The following SLC25A13 variants were observed in gnomAD, a reference collection of about 807,000 sequenced individuals.
SLC25A13 encodes the protein solute carrier family 25 member 13.
A neutral mutation model predicts 85.5 loss-of-function variants in SLC25A13; 70 were observed. The observed-to-expected ratio is 0.82, with a 90% CI of 0.68 to 1.00. The LOEUF (loss-of-function observed/expected upper bound fraction) is 1.00. Ranked by LOEUF, SLC25A13 falls within the 50% of genes least tolerant of loss-of-function variation. The pLI, the probability that SLC25A13 is intolerant of heterozygous loss-of-function variation, is 0.00. For missense variants in SLC25A13, 765 were observed against 819.8 expected (o/e 0.93, Z 0.82); for synonymous variants, 259 against 288.7 (o/e 0.90, Z 1.04).
chr7:96,310,174 T>C (rs1048280826), intron 1 of SLC25A13, among the ~76,000 whole-genome samples: 4 of 152,234 alleles, frequency 2.6e-5, no homozygotes, highest in Non-Finnish European at 4.4e-5. Flanking sequence ...CAATATCTTT[T>C]AATATGGTCC....
At chr7:96,224,546 GT>G (rs1310680006) in intron 4 of SLC25A13, among the ~76,000 whole-genome samples, 1 of 152,010 alleles carries the variant, frequency 6.6e-6, no homozygotes, top group Non-Finnish European at 1.5e-5. Flanking sequence ...CTCCCCTTCA[GT>G]CAGAATTCTG....
At chr7:96,254,689 T>C (rs1209165086) in intron 3 of SLC25A13, among the ~76,000 whole-genome samples, 2 of 152,094 alleles carry the variant, frequency 1.3e-5, no homozygotes, top group African/African-American at 4.8e-5. Flanking sequence ...AGCGTATATA[T>C]AGTATATAGA....
At position 96,121,958 on chromosome 7, in the gene SLC25A13, A is replaced by G. The variant is rs754054414; in HGVS notation, c.1631T>C (p.Ile544Thr). 7.7e-5 allele frequency: 124 copies of G among 1,614,028 alleles called. No individual in the cohort carries two copies. The Middle Eastern group carries it at 1.5e-3, about 19-fold the overall frequency. The change falls in exon 16 of 18, where the codon ATC becomes ACC. Residue 544 changes from isoleucine to threonine, a missense_variant. Ile to Thr is a moderately conservative substitution (Grantham distance 89, BLOSUM62 -1). Transcript: ENST00000265631. ...GGCAGCCACCTGTAATCTCGTCTTGATAACATCAGCAGGGGTCACTAAAGA... is the reference window on the plus strand; with the variant it reads ...GGCAGCCACCTGTAATCTCGTCTTGGTAACATCAGCAGGGGTCACTAAAGA... Reference protein sequence around the residue: ...AASLVTPADVIKTRLQVAARA... With the variant: ...AASLVTPADVTKTRLQVAARA...
chr7:96,206,741 C>T (rs1452656723), intron 5 of SLC25A13, among the ~76,000 whole-genome samples: 1 of 152,106 alleles, frequency 6.6e-6, no homozygotes, highest in African/African-American at 2.4e-5. Context: ...AAGTGAATGC[C>T]TTACAAATTG....
At chr7:96,239,529 C>A (rs973598161) in intron 3 of SLC25A13, among the ~76,000 whole-genome samples, 1 of 152,088 alleles carries the variant, frequency 6.6e-6, no homozygotes, top group African/African-American at 2.4e-5. Context: ...CCCGCAACTC[C>A]CAGAACTTCT....
chr7:96,195,353 C>T (rs1293695318), intron 5 of SLC25A13, among the ~76,000 whole-genome samples: 2 of 152,160 alleles, frequency 1.3e-5, no homozygotes, highest in African/African-American at 4.8e-5. Flanking sequence ...TTACCAAATT[C>T]TGTCCCTTAG....
intron 13 of SLC25A13, among the ~76,000 whole-genome samples, chr7:96,154,546 C>T (rs1470647974): frequency 6.6e-6 from 1 of 152,154 alleles, no homozygotes; most frequent in Non-Finnish European, 1.5e-5. Context: ...ATCTGCCTGC[C>T]TCAGCCCCCC....
At chr7:96,149,707 C>T (rs192193321) in intron 13 of SLC25A13, among the ~76,000 whole-genome samples, 1 of 152,258 alleles carries the variant, frequency 6.6e-6, no homozygotes, top group African/African-American at 2.4e-5. Flanking sequence ...ATGAGAGACT[C>T]CAAGGCACCA....
chr7:96,210,482 A>G (rs904320741), intron 4 of SLC25A13, among the ~76,000 whole-genome samples: 2 of 152,262 alleles, frequency 1.3e-5, no homozygotes, highest in African/African-American at 4.8e-5. Flanking sequence ...ACTGAAATTC[A>G]AATGACTTGG....
chr7:96,257,548 A>T (rs1053782142), intron 3 of SLC25A13, among the ~76,000 whole-genome samples: 18 of 152,308 alleles, frequency 1.2e-4, no homozygotes, highest in African/African-American at 4.3e-4. Flanking sequence ...ATCAATAACA[A>T]GTTCTGAAAT....
intron 4 of SLC25A13, among the ~76,000 whole-genome samples, chr7:96,222,284 C>G (rs1796160830): frequency 6.6e-6 from 1 of 152,180 alleles, no homozygotes; most frequent in Admixed American, 6.5e-5. Context: ...CTTTCAGACT[C>G]CATGCTAACT....
In SLC25A13 at chr7:96,234,794, C is replaced by A; in HGVS notation, c.328+8G>T. 2 of 1,605,834 alleles carry A rather than the reference C, an allele frequency of 1.2e-6. No individual in the cohort carries two copies. Among genetic ancestry groups the A allele is most frequent in the Non-Finnish European group, 1.7e-6 (2 of 1,173,632 alleles). On this transcript the variant is annotated splice_region_variant and intron_variant, in intron 4 of 17. Transcript: ENST00000265631. Reference sequence around the variant, plus strand: ...TTACACAGACGTGCACAGAAGCATGCTTCTTACCAAAAGTTACTTCTCCTT... The same window carrying A: ...TTACACAGACGTGCACAGAAGCATGATTCTTACCAAAAGTTACTTCTCCTT...
At chr7:96,208,758 G>T in intron 5 of SLC25A13, 80 bp downstream of exon 5, 1 of 1,529,426 alleles carries the variant, frequency 6.5e-7, no homozygotes, top group Non-Finnish European at 9.0e-7. Context: ...GCCCACCTCG[G>T]CCTCCCAAAG....
intron 3 of SLC25A13, among the ~76,000 whole-genome samples, chr7:96,267,618 A>G (rs1009568956): frequency 6.6e-6 from 1 of 152,064 alleles, no homozygotes. Flanking sequence ...ATTCCAGACA[A>G]GCCTGACCAA....
At chr7:96,213,477 G>C (rs1168718756) in intron 4 of SLC25A13, among the ~76,000 whole-genome samples, 1 of 152,040 alleles carries the variant, frequency 6.6e-6, no homozygotes, top group Non-Finnish European at 1.5e-5. Context: ...CTATACTCTG[G>C]CTCCCACATG....
intron 11 of SLC25A13, among the ~76,000 whole-genome samples, chr7:96,173,352 G>C (rs1794086549): frequency 6.6e-6 from 1 of 152,196 alleles, no homozygotes; most frequent in African/African-American, 2.4e-5. Context: ...AAGGCATAGA[G>C]AGATAAAGTA....
intron 3 of SLC25A13, among the ~76,000 whole-genome samples, chr7:96,243,615 T>C (rs1181300157): frequency 1.3e-5 from 2 of 151,850 alleles, no homozygotes; most frequent in African/African-American, 4.8e-5. Flanking sequence ...AGGAGAGTAA[T>C]GGGGTTGGGA....
At chr7:96,168,219 A>T (rs1031002497) in intron 13 of SLC25A13, among the ~76,000 whole-genome samples, 3 of 150,730 alleles carry the variant, frequency 2.0e-5, no homozygotes, top group African/African-American at 7.3e-5. Flanking sequence ...GTTGTCTGCT[A>T]CCTACAGGAT....
chr7:96,154,885 C>A (rs1165880228), intron 13 of SLC25A13, among the ~76,000 whole-genome samples: 3 of 151,942 alleles, frequency 2.0e-5, no homozygotes, highest in African/African-American at 4.8e-5. Context: ...GTAACCTCCG[C>A]CTCCTGGGTT....
Sources: allele counts gnomAD v4.1 joint callset (sites outside exome capture counted in the v4.1 genomes callset), GRCh38; gene constraint gnomAD v4.1.1; transcripts MANE v1.5; gene names NCBI Gene and HGNC (gene_info 2026-07-23, HGNC 2026-07-21).